Variants in NCAM2 observed in about 807,000 individuals in gnomAD.
NCAM2 encodes N-CAM-2.
Under a neutral mutation model 98.1 loss-of-function variants are expected in NCAM2, and 30 were observed. That is an observed-to-expected ratio of 0.31 (90% CI 0.23 to 0.41). NCAM2 has a LOEUF of 0.41. Among genes scored for constraint, NCAM2 ranks in the 10% least tolerant of loss-of-function variants. The probability of loss-of-function intolerance (pLI) is 1.00; values close to 1 mark genes in which losing one functional copy is unlikely to be tolerated. For missense variants in NCAM2, 867 were observed against 1,005.8 expected, an observed-to-expected ratio of 0.86 and a Z score of 1.87; for synonymous variants, 368 against 342.4, an observed-to-expected ratio of 1.07 and a Z score of -0.83.
At chr21:21,211,329 A>G (rs1413322846) in intron 1 of NCAM2, among the ~76,000 whole-genome samples, 1 of 152,138 alleles carries the variant, frequency 6.6e-6, no homozygotes, top group Non-Finnish European at 1.5e-5. Flanking sequence ...GAATTGTGAT[A>G]CTTCATTTAT....
intron 15 of NCAM2, among the ~76,000 whole-genome samples, chr21:21,506,982 G>C (rs1988019163): frequency 6.6e-6 from 1 of 151,798 alleles, no homozygotes; most frequent in Non-Finnish European, 1.5e-5. Flanking sequence ...ATATTTGCAA[G>C]TGTGAACCAC....
intron 10 of NCAM2, among the ~76,000 whole-genome samples, chr21:21,414,863 A>G (rs2076958106): frequency 6.6e-6 from 1 of 152,138 alleles, no homozygotes; most frequent in Admixed American, 6.5e-5. Flanking sequence ...CAGCATGAAA[A>G]CAACATTAAT....
chr21:21,229,422 C>T (rs191723860), intron 1 of NCAM2, among the ~76,000 whole-genome samples: 71 of 151,518 alleles, frequency 4.7e-4, no homozygotes, highest in Middle Eastern at 3.4e-3. Context: ...CAACTTATAT[C>T]TTAGGCATTA....
At chr21:21,499,440 A>T (rs12482658) in intron 15 of NCAM2, among the ~76,000 whole-genome samples, 4 of 152,104 alleles carry the variant, frequency 2.6e-5, no homozygotes, top group Non-Finnish European at 5.9e-5. Context: ...ACAGGGTTTC[A>T]CTGTGTTAGC....
chr21:21,468,928 T>C, intron 14 of NCAM2, 145 bp downstream of exon 14: 1 of 705,288 alleles, frequency 1.4e-6, no homozygotes, highest in Non-Finnish European at 2.1e-6. Context: ...CTGACAGTCA[T>C]CATTGTGATT....
At chr21:21,313,943 G>A (rs557574655) in intron 5 of NCAM2, among the ~76,000 whole-genome samples, 4 of 152,076 alleles carry the variant, frequency 2.6e-5, no homozygotes, top group Admixed American at 1.3e-4. Flanking sequence ...AGAAAGTATA[G>A]CATCATATAG....
intron 15 of NCAM2, among the ~76,000 whole-genome samples, chr21:21,504,343 A>C (rs2146343269): frequency 6.6e-6 from 1 of 152,090 alleles, no homozygotes; most frequent in Admixed American, 6.6e-5. Flanking sequence ...TAAAATTTAC[A>C]CCATAAGTCG....
intron 14 of NCAM2, among the ~76,000 whole-genome samples, chr21:21,469,873 C>A (rs1470265488): frequency 6.6e-6 from 1 of 151,966 alleles, no homozygotes. Flanking sequence ...CCTGGCCATT[C>A]TCATTTGCAC....
At chr21:21,487,998 C>T (rs1986533432) in intron 15 of NCAM2, among the ~76,000 whole-genome samples, 1 of 152,110 alleles carries the variant, frequency 6.6e-6, no homozygotes, top group South Asian at 2.1e-4. Flanking sequence ...TGCAAATGCA[C>T]ATATATGCCT....
chr21:21,452,627 ATATATT>A (rs1686784325), intron 12 of NCAM2, among the ~76,000 whole-genome samples: 1 of 113,616 alleles, frequency 8.8e-6, no homozygotes, highest in Non-Finnish European at 1.7e-5. Context: ...AATATATACA[ATATATT>A]ATATATTATA....
At chr21:21,070,716 C>A (rs553412417) in intron 1 of NCAM2, among the ~76,000 whole-genome samples, 1 of 152,124 alleles carries the variant, frequency 6.6e-6, no homozygotes, top group Admixed American at 6.6e-5. Flanking sequence ...GAGCAGAATG[C>A]ATAAATGTGC....
At chr21:21,267,387 A>G (rs1357324916) in intron 1 of NCAM2, among the ~76,000 whole-genome samples, 1 of 152,114 alleles carries the variant, frequency 6.6e-6, no homozygotes, top group East Asian at 1.9e-4. Flanking sequence ...CCTATTCCTC[A>G]CCAGGGTAAT....
chr21:21,003,493 T>C (rs879561709), intron 1 of NCAM2, among the ~76,000 whole-genome samples: 1 of 152,132 alleles, frequency 6.6e-6, no homozygotes, highest in African/African-American at 2.4e-5. Context: ...ATTTGAAAAT[T>C]TGATATTATA....
At chr21:21,114,130 T>C (rs2146537358) in intron 1 of NCAM2, among the ~76,000 whole-genome samples, 1 of 152,298 alleles carries the variant, frequency 6.6e-6, no homozygotes, top group East Asian at 1.9e-4. Flanking sequence ...TTCTACAGTA[T>C]TTATTAGAAA....
At chr21:21,410,505 ACTAT>A in intron 10 of NCAM2, 44 bp downstream of exon 10, 1 of 1,096,622 alleles carries the variant, frequency 9.1e-7, no homozygotes, top group Non-Finnish European at 1.3e-6. Context: ...TATTTTAACA[ACTAT>A]CTACTATTTC....
In NCAM2 at chr21:21,523,604, C is replaced by CTGT. The variant is rs1989155205; in HGVS notation, c.2283-10933_2283-10932insTGT. On this transcript the variant is annotated intron_variant, in intron 16 of 17. Coordinates refer to ENST00000400546, the MANE Select transcript of NCAM2 (RefSeq NM_004540.5). Reference sequence around the variant, plus strand: ...TGTATTATATTATGTGTATATACTACGTATAAGATAAATGAATGGTAACAA... The same window carrying CTGT: ...TGTATTATATTATGTGTATATACTACTGTGTATAAGATAAATGAATGGTAACAA... 4.6e-5 allele frequency among the ~76,000 whole-genome samples: 7 copies of CTGT among 151,206 alleles called. No individual in the cohort carries two copies. In the South Asian group the frequency reaches 1.5e-3, roughly 31 times the overall value.
At position 21,048,897 on chromosome 21, in the gene NCAM2, G is replaced by C. The variant is rs368036303; in HGVS notation, c.55+50279G>C. 3.0e-4 allele frequency among the ~76,000 whole-genome samples: 45 copies of C among 151,936 alleles called. No individual in the cohort carries two copies. In the East Asian group the frequency reaches 4.5e-3, roughly 15 times the overall value. ...CTTCTTTGTTGGGTTTAATTCTCCTGACCTTAGATTTCTCATACAGTTTGT... is the reference window on the plus strand; with the variant it reads ...CTTCTTTGTTGGGTTTAATTCTCCTCACCTTAGATTTCTCATACAGTTTGT... On this transcript the variant is annotated intron_variant, in intron 1 of 17. Transcript: ENST00000400546.
intron 1 of NCAM2, among the ~76,000 whole-genome samples, chr21:21,094,282 T>A (rs1397274520): frequency 1.3e-5 from 2 of 151,786 alleles, no homozygotes; most frequent in Admixed American, 6.6e-5. Context: ...GAAAGAGAAA[T>A]CAAATTGTTT....
intron 1 of NCAM2, among the ~76,000 whole-genome samples, chr21:21,212,818 C>T (rs995745354): frequency 4.7e-5 from 7 of 149,404 alleles, no homozygotes; most frequent in Non-Finnish European, 8.9e-5. Context: ...TCTTGGCTCA[C>T]TGCGAGCACC....
Sources: gnomAD v4.1 joint callset for allele counts (sites outside exome capture counted in the v4.1 genomes callset) on GRCh38, gnomAD v4.1.1 for gene constraint, MANE v1.5 for transcripts, NCBI Gene and HGNC (gene_info 2026-07-23, HGNC 2026-07-21) for gene names.